Variants in ELMO1 observed in about 807,000 individuals in gnomAD.
The protein encoded by ELMO1 is engulfment and cell motility 1, also known as engulfment and cell motility protein 1.
In ELMO1, 26 loss-of-function variants were observed where a neutral mutation model predicts 98.9. That is an observed-to-expected ratio of 0.26 (90% CI 0.19 to 0.36). The LOEUF (loss-of-function observed/expected upper bound fraction) is 0.36, where lower values mean the gene tolerates loss of function less well. Among genes scored for constraint, ELMO1 ranks in the 10% least tolerant of loss-of-function variants. The pLI is 1.00. For missense variants in ELMO1, 627 were observed against 935.2 expected (o/e 0.67, Z 4.30); for synonymous variants, 346 against 346.0 (o/e 1.00, Z 0.00).
chr7:37,425,118 A>G (rs1804647503), intron 1 of ELMO1, among the ~76,000 whole-genome samples: 1 of 152,306 alleles, frequency 6.6e-6, no homozygotes, highest in East Asian at 1.9e-4. Flanking sequence ...ACAAAGTACC[A>G]TAGACTAGGT....
intron 1 of ELMO1, among the ~76,000 whole-genome samples, chr7:37,350,515 CTCTTCTTCACAGCCCTGAGT>C (rs1159452071): frequency 6.6e-6 from 1 of 152,222 alleles, no homozygotes; most frequent in Non-Finnish European, 1.5e-5. Context: ...ACTTTACTCA[CTCTTCTTCACAGCCCTGAGT>C]GACAGGTGTT....
At chr7:37,331,428 C>T (rs1018466884) in intron 2 of ELMO1, among the ~76,000 whole-genome samples, 39 of 144,650 alleles carry the variant, frequency 2.7e-4, no homozygotes, top group Middle Eastern at 3.8e-3. Context: ...ATGATCCGCC[C>T]GCCTCAGCCT....
chr7:36,937,900 T>C (rs1242788171), intron 16 of ELMO1, among the ~76,000 whole-genome samples: 1 of 152,214 alleles, frequency 6.6e-6, no homozygotes, highest in East Asian at 1.9e-4. Flanking sequence ...TAGTGGCCCC[T>C]GAGGCCACTC....
intron 16 of ELMO1, among the ~76,000 whole-genome samples, chr7:36,974,379 C>T (rs1790310043): frequency 6.6e-6 from 1 of 152,054 alleles, no homozygotes; most frequent in Non-Finnish European, 1.5e-5. Flanking sequence ...GTAAATACAC[C>T]AATCGGCACT....
intron 1 of ELMO1, among the ~76,000 whole-genome samples, chr7:37,447,511 G>A (rs1320781621): frequency 1.3e-5 from 2 of 151,882 alleles, no homozygotes; most frequent in Non-Finnish European, 2.9e-5. Flanking sequence ...TGGTCCTTTA[G>A]GTCAAGGCAG....
chr7:36,952,348 G>A (rs76889973), intron 16 of ELMO1, among the ~76,000 whole-genome samples: 2,131 of 152,262 alleles, frequency 0.014, 48 homozygotes, highest in African/African-American at 0.049. Context: ...CACGGGAGGT[G>A]GGAGAGAGAT....
intron 13 of ELMO1, among the ~76,000 whole-genome samples, chr7:37,190,040 CAAA>C (rs34898853): frequency 8.8e-5 from 12 of 135,836 alleles, no homozygotes; most frequent in African/African-American, 2.7e-4. Flanking sequence ...TTGTCCCTAC[CAAA>C]AAAAAAAAAA....
intron 1 of ELMO1, among the ~76,000 whole-genome samples, chr7:37,352,533 T>G (rs542909349): frequency 6.6e-6 from 1 of 152,368 alleles, no homozygotes; most frequent in Admixed American, 6.5e-5. Flanking sequence ...AACTTTTTTT[T>G]TAACGAAACA....
chr7:37,291,081 G>A (rs1797656864), intron 4 of ELMO1, among the ~76,000 whole-genome samples: 1 of 152,090 alleles, frequency 6.6e-6, no homozygotes. Context: ...CTTGACATAT[G>A]AAAGAAGTGA....
At position 36,962,240 on chromosome 7, in the gene ELMO1, T is replaced by G. The variant is rs74402387; in HGVS notation, c.1437+51059A>C. On this transcript the variant is annotated intron_variant, in intron 16 of 21. Transcript: ENST00000310758. The stretch of plus-strand genomic sequence containing the variant: ...CTTGAACTGAAATCACAGGGGAAGT[T>G]TAAAGAATACTGATTCTCAGGCCTC... Among the ~76,000 whole-genome samples the G allele has an allele frequency of 2.3e-3, 350 of 152,250 alleles. 2 individuals carry two copies. The East Asian group carries it at 0.031, about 14-fold the overall frequency.
chr7:37,350,025 G>C (rs1801186562), intron 1 of ELMO1, among the ~76,000 whole-genome samples: 1 of 151,972 alleles, frequency 6.6e-6, no homozygotes, highest in African/African-American at 2.4e-5. Flanking sequence ...GCAGTGGTGG[G>C]CACATGTCCC....
rs1006117896 is a variant in ELMO1, at chr7:36,855,835, C to T, written c.1984-84G>A. 6.7e-7 allele frequency: 1 copy of T among 1,498,936 alleles called. No homozygotes were observed. The highest frequency in any genetic ancestry group is 1.4e-5 in the African/African-American group (1 of 72,794). The allele number at this position is 1,498,936 out of a possible 1,614,324, so 92.9% of individuals were successfully genotyped here. ...GTAAAAATAGCTAACAGTGAATACT[C>T]ATCCCTCAGTAGGCTGTGCGCTAAG... is the stretch of plus-strand genomic sequence containing the variant. On this transcript the variant is annotated intron_variant, in intron 21 of 21. Coordinates refer to ENST00000310758, the MANE Select transcript of ELMO1 (RefSeq NM_014800.11). This position sits in a 1 kb window ranked among gnomAD's most constrained non-coding sequence, Gnocchi z 4.2.
intron 6 of ELMO1, among the ~76,000 whole-genome samples, chr7:37,253,779 T>C (rs1795490749): frequency 6.6e-6 from 1 of 150,814 alleles, no homozygotes; most frequent in African/African-American, 2.4e-5. Flanking sequence ...GCAAGTCATC[T>C]CTGAATCTCA....
chr7:37,338,165 T>C (rs1800523698), intron 2 of ELMO1, among the ~76,000 whole-genome samples: 1 of 152,194 alleles, frequency 6.6e-6, no homozygotes, highest in South Asian at 2.1e-4. Flanking sequence ...CTACACTCTT[T>C]TCACATGATT....
At chr7:37,013,520 G>T in intron 15 of ELMO1, 85 bp from the exon 16 acceptor site, 1 of 1,464,002 alleles carries the variant, frequency 6.8e-7, no homozygotes, top group South Asian at 1.3e-5. Flanking sequence ...GCCCCAAAGG[G>T]AGACAAGCGG....
In ELMO1 at chr7:37,233,433, G is replaced by A. The variant is rs188085980; in HGVS notation, c.450-239C>T. On this transcript the variant is annotated intron_variant, in intron 7 of 21. Transcript: ENST00000310758. Reference sequence around the variant, plus strand: ...CAGGGCTTCAGCATCCAACAGACCCGGGCTCACACCAACTCTCGTTCTGGT... The same window carrying A: ...CAGGGCTTCAGCATCCAACAGACCCAGGCTCACACCAACTCTCGTTCTGGT... Among the ~76,000 whole-genome samples the A allele has an allele frequency of 4.7e-4, 72 of 152,224 alleles. No individual in the cohort carries two copies. In the East Asian group the frequency reaches 0.01, roughly 22 times the overall value.
At chr7:37,340,753 T>A (rs1456201340) in intron 2 of ELMO1, among the ~76,000 whole-genome samples, 2 of 152,108 alleles carry the variant, frequency 1.3e-5, no homozygotes, top group African/African-American at 4.8e-5. Flanking sequence ...ATATATATAT[T>A]AAAACACACA....
At chr7:37,141,522 C>CA (rs1491505986) in intron 13 of ELMO1, among the ~76,000 whole-genome samples, 8 of 131,866 alleles carry the variant, frequency 6.1e-5, no homozygotes, top group Non-Finnish European at 1.4e-4. Context: ...CTGAAATAAA[C>CA]CAAAAAAAAC....
chr7:37,136,492 T>TAACG (rs1424688231), intron 13 of ELMO1, among the ~76,000 whole-genome samples: 1 of 152,170 alleles, frequency 6.6e-6, no homozygotes, highest in African/African-American at 2.4e-5. Context: ...AGGTAACCTA[T>TAACG]AACGGAAAAC....
Sources: gnomAD v4.1 joint callset for allele counts (sites outside exome capture counted in the v4.1 genomes callset) on GRCh38, gnomAD v4.1.1 for gene constraint, Gnocchi (gnomAD v3.1) non-coding constraint, MANE v1.5 for transcripts, NCBI Gene and HGNC (gene_info 2026-07-23, HGNC 2026-07-21) for gene names.